Variants in PCDH15 observed in about 807,000 individuals in gnomAD.
PCDH15 encodes the protein protocadherin-15.
In PCDH15, 129 loss-of-function variants were observed where a neutral mutation model predicts 178.5. The observed-to-expected ratio is 0.72, with a 90% CI of 0.63 to 0.84. The LOEUF (loss-of-function observed/expected upper bound fraction) is 0.84, where lower values mean the gene tolerates loss of function less well. PCDH15 is among the 40% of genes least tolerant of loss of function. PCDH15 has a pLI of 0.00. For missense variants in PCDH15, 2,230 were observed against 2,099.9 expected, an observed-to-expected ratio of 1.06 and a Z score of -1.21; for synonymous variants, 800 against 732.0, an observed-to-expected ratio of 1.09 and a Z score of -1.50.
chr10:54,788,708 C>T (rs1419652315), intron 1 of PCDH15, among the ~76,000 whole-genome samples: 1 of 151,656 alleles, frequency 6.6e-6, no homozygotes, highest in East Asian at 2.0e-4. Context: ...AGGAGAGATT[C>T]TAAGATGGGG....
intron 20 of PCDH15, among the ~76,000 whole-genome samples, chr10:54,019,585 A>C (rs2092848251): frequency 1.3e-5 from 2 of 152,092 alleles, no homozygotes; most frequent in African/African-American, 4.8e-5. Flanking sequence ...CTTAAAAATC[A>C]CTAGAAATTC....
chr10:54,826,316 C>T (rs1364218052), intron 3 of PCDH15, among the ~76,000 whole-genome samples: 3 of 151,496 alleles, frequency 2.0e-5, no homozygotes, highest in African/African-American at 7.3e-5. Flanking sequence ...TTCTTCCTGA[C>T]ATAAAGATAG....
chr10:55,363,227 T>A (rs2131980822), intron 2 of PCDH15, among the ~76,000 whole-genome samples: 1 of 152,316 alleles, frequency 6.6e-6, no homozygotes, highest in East Asian at 1.9e-4. Flanking sequence ...CATGTATCAA[T>A]TTTTAATAGC....
At chr10:53,921,071 A>G (rs2083956123) in intron 25 of PCDH15, among the ~76,000 whole-genome samples, 1 of 152,186 alleles carries the variant, frequency 6.6e-6, no homozygotes. Flanking sequence ...GAGCTTTTGG[A>G]AAGTGCTTAA....
At chr10:54,233,391 A>G (rs2054281839) in intron 9 of PCDH15, among the ~76,000 whole-genome samples, 1 of 152,274 alleles carries the variant, frequency 6.6e-6, no homozygotes, top group African/African-American at 2.4e-5. Flanking sequence ...TATTTCTTCC[A>G]TGAGTCATTG....
chr10:55,376,791 T>C lies in PCDH15; in HGVS notation c.-155-210140A>G, dbSNP rs553914800. ...AACTCTGAAATATGTAGATCCTTTG[T>C]GAAAATGGTTTAACTATTTCAGATA... On this transcript the variant is annotated intron_variant, in intron 2 of 5. Coordinates refer to the PCDH15 transcript ENST00000613346. Among the ~76,000 whole-genome samples the C allele has an allele frequency of 3.0e-4, 46 of 152,192 alleles. No homozygotes were observed. The Middle Eastern group carries it at 0.01, about 34-fold the overall frequency.
At chr10:53,811,431 A>C (rs1417045039) in intron 36 of PCDH15, 118 bp downstream of exon 36, 22 of 595,360 alleles carry the variant, frequency 3.7e-5, no homozygotes, top group Non-Finnish European at 5.3e-5. Flanking sequence ...TTCAAGTATT[A>C]TACTAGTGAG....
chr10:55,022,789 C>T (rs1015858551), intron 2 of PCDH15, among the ~76,000 whole-genome samples: 5 of 149,748 alleles, frequency 3.3e-5, no homozygotes, highest in African/African-American at 1.2e-4. Context: ...CGGCTCACTG[C>T]AAGCTCCGCC....
chr10:55,267,975 T>A (rs191030723), intron 1 of PCDH15, among the ~76,000 whole-genome samples: 17,590 of 152,162 alleles, frequency 0.12, 1,203 homozygotes, highest in Non-Finnish European at 0.16. Flanking sequence ...ATCCTTTTTA[T>A]TGTGTCTGAA....
intron 28 of PCDH15, 141 bp from the exon 29 acceptor site, chr10:53,840,637 C>A: frequency 1.3e-6 from 1 of 794,370 alleles, no homozygotes; most frequent in Non-Finnish European, 2.1e-6. Context: ...AATATAAACC[C>A]TTGAAAAACA....
intron 15 of PCDH15, among the ~76,000 whole-genome samples, chr10:54,124,677 T>C: frequency 6.6e-6 from 1 of 152,196 alleles, no homozygotes; most frequent in East Asian, 1.9e-4. Context: ...TACGATGCAG[T>C]GCCTATGATT....
chr10:55,444,138 G>A (rs2132073229), intron 2 of PCDH15, among the ~76,000 whole-genome samples: 1 of 151,506 alleles, frequency 6.6e-6, no homozygotes, highest in East Asian at 2.0e-4. Context: ...CTATCGGGGG[G>A]TGGGGGGTAA....
rs1950042475 is a variant in PCDH15 at position 54,779,410 on chromosome 10, A to ATATATATACACACACACATATATGTG, written c.-29+21514_-29+21515insCACATATATGTGTGTGTGTATATATA. 1.1e-3 allele frequency among the ~76,000 whole-genome samples: 112 copies of ATATATATACACACACACATATATGTG among 105,842 alleles called. 1 individual carries two copies. The highest frequency in any genetic ancestry group is 3.8e-3 in the African/African-American group (104 of 27,204). 69.4% of individuals were successfully genotyped at this position (105,842 alleles called of 152,430 possible). A position where few individuals can be genotyped will look rare whatever the true frequency, so the allele number is the denominator to read the frequency against. On this transcript the variant is annotated intron_variant, in intron 1 of 37. Transcript: ENST00000644397. ...TCTCTCTCTCTATATATATATGTAT[A>ATATATATACACACACACATATATGTG]TATATATATATACACACACATATGT...
At chr10:55,083,680 C>T (rs1294229326) in intron 2 of PCDH15, among the ~76,000 whole-genome samples, 4 of 151,752 alleles carry the variant, frequency 2.6e-5, no homozygotes, top group Non-Finnish European at 5.9e-5. Context: ...AGACTTCATA[C>T]AATAAAACCA....
At position 55,463,971 on chromosome 10, in the gene PCDH15, A is replaced by G. The variant is rs549997267; in HGVS notation, c.-156+163654T>C. Among the ~76,000 whole-genome samples the G allele has an allele frequency of 1.2e-3, 24 of 20,188 alleles. 3 individuals are homozygous for G. Among genetic ancestry groups the G allele is most frequent in the Middle Eastern group, 0.021 (1 of 48 alleles). 13.2% of individuals were successfully genotyped at this position (20,188 alleles called of 152,430 possible). On this transcript the variant is annotated intron_variant, in intron 2 of 5. Coordinates refer to the PCDH15 transcript ENST00000613346. ...AAAGAAAGAAAGAAAGAAAGAAAGA[A>G]AGAGAAAGAAAGAAAGAAAGAGAAA...
chr10:55,308,983 A>G (rs1476868457), intron 1 of PCDH15, among the ~76,000 whole-genome samples: 1 of 152,156 alleles, frequency 6.6e-6, no homozygotes, highest in Non-Finnish European at 1.5e-5. Flanking sequence ...TACAGATGGG[A>G]CCATAAACAA....
chr10:54,024,850 C>CA (rs1589975323), intron 18 of PCDH15, among the ~76,000 whole-genome samples: 2 of 151,744 alleles, frequency 1.3e-5, no homozygotes, highest in South Asian at 4.2e-4. Flanking sequence ...CCTTTTTCAC[C>CA]AAAAAAAGAG....
At chr10:54,787,804 A>T (rs1951031303) in intron 1 of PCDH15, among the ~76,000 whole-genome samples, 2 of 151,984 alleles carry the variant, frequency 1.3e-5, no homozygotes, top group Admixed American at 1.3e-4. Flanking sequence ...TTTGAGCCTT[A>T]AGTTCAGCGA....
intron 2 of PCDH15, among the ~76,000 whole-genome samples, chr10:54,575,925 A>T (rs1269916431): frequency 1.3e-5 from 2 of 152,186 alleles, no homozygotes. Context: ...GAGTAACTAC[A>T]GTTTTGCCCA....
Sources: allele counts gnomAD v4.1 joint callset (sites outside exome capture counted in the v4.1 genomes callset), GRCh38; gene constraint gnomAD v4.1.1; transcripts MANE v1.5; gene names NCBI Gene and HGNC (gene_info 2026-07-23, HGNC 2026-07-21).